GMDS: variants seen among roughly 807,000 people sequenced by gnomAD.
The protein encoded by GMDS is GDP-mannose 4,6-dehydratase.
Under a neutral mutation model 49.9 loss-of-function variants are expected in GMDS, and 20 were observed. That is an observed-to-expected ratio of 0.40 (90% CI 0.28 to 0.58). The LOEUF (loss-of-function observed/expected upper bound fraction) is 0.58, where lower values mean the gene tolerates loss of function less well. GMDS is among the 20% of genes least tolerant of loss of function. GMDS has a pLI of 0.42. For missense variants in GMDS, 362 were observed against 481.4 expected, an observed-to-expected ratio of 0.75 and a Z score of 2.32; for synonymous variants, 177 against 178.6, an observed-to-expected ratio of 0.99 and a Z score of 0.07.
chr6:2,052,646 A>G (rs1227395838), intron 4 of GMDS, among the ~76,000 whole-genome samples: 4 of 152,240 alleles, frequency 2.6e-5, no homozygotes, highest in Non-Finnish European at 5.9e-5. Flanking sequence ...CAGGAAACAC[A>G]TGGTCTAGAC....
intron 4 of GMDS, among the ~76,000 whole-genome samples, chr6:2,002,084 C>A (rs1766852734): frequency 6.6e-6 from 1 of 152,102 alleles, no homozygotes; most frequent in Admixed American, 6.5e-5. Context: ...GTTTAATATT[C>A]GTTTTTAAAA....
Position 1,857,572 on chromosome 6 carries a change from T to C in GMDS, c.771+72531A>G, listed in dbSNP as rs554613914. ...AACTTATTTTTATCAGGATGCCTCT[T>C]ATGGTTAAATATATTTGCTTCCTGT... is the stretch of plus-strand genomic sequence containing the variant. On this transcript the variant is annotated intron_variant, in intron 7 of 10. Coordinates refer to ENST00000380815, the MANE Select transcript of GMDS (RefSeq NM_001500.4). Among the ~76,000 whole-genome samples, 6 of 152,290 alleles carry C rather than the reference T, an allele frequency of 3.9e-5. No individual in the cohort carries two copies. The South Asian group carries it at 1.2e-3, about 32-fold the overall frequency.
At chr6:1,917,065 C>T (rs149262704) in intron 7 of GMDS, among the ~76,000 whole-genome samples, 7 of 152,264 alleles carry the variant, frequency 4.6e-5, no homozygotes, top group African/African-American at 1.7e-4. Context: ...CTCAGATGTT[C>T]TACAGTTTCC....
At chr6:2,086,338 T>C (rs548363977) in intron 4 of GMDS, among the ~76,000 whole-genome samples, 10 of 152,344 alleles carry the variant, frequency 6.6e-5, no homozygotes, top group Admixed American at 6.5e-4. Flanking sequence ...ACTTTTGTGC[T>C]AACACACAAG....
At chr6:1,819,352 T>C (rs577448637) in intron 7 of GMDS, among the ~76,000 whole-genome samples, 1 of 152,366 alleles carries the variant, frequency 6.6e-6, no homozygotes, top group South Asian at 2.1e-4. Flanking sequence ...CAAATGTTTT[T>C]ATTCGACGGA....
intron 6 of GMDS, among the ~76,000 whole-genome samples, chr6:1,941,350 C>A (rs1270908597): frequency 6.6e-6 from 1 of 151,388 alleles, no homozygotes; most frequent in Admixed American, 6.6e-5. Context: ...GTCAGAGAAC[C>A]AAATACACTG....
At chr6:1,919,287 C>A (rs1761589251) in intron 7 of GMDS, among the ~76,000 whole-genome samples, 1 of 152,172 alleles carries the variant, frequency 6.6e-6, no homozygotes, top group Non-Finnish European at 1.5e-5. Flanking sequence ...AGAGCCCAAC[C>A]ATTCTCTCTA....
At chr6:1,804,512 C>G (rs1018085032) in intron 7 of GMDS, among the ~76,000 whole-genome samples, 7 of 152,238 alleles carry the variant, frequency 4.6e-5, no homozygotes, top group African/African-American at 1.4e-4. Flanking sequence ...GGCTTTATTG[C>G]TAATTTTGCC....
Position 1,630,666 on chromosome 6 carries a change from T to C in GMDS, c.988-6126A>G, listed in dbSNP as rs140147714. Among the ~76,000 whole-genome samples, 33 of 152,368 alleles carry C rather than the reference T, an allele frequency of 2.2e-4. No individual in the cohort carries two copies. In the East Asian group the frequency reaches 5.2e-3, roughly 24 times the overall value. On this transcript the variant is annotated intron_variant, in intron 9 of 10. Transcript: ENST00000380815. ...AAATAACCATATAAGACTTTGGGGA[T>C]GTCATCTTGCATCATACCTATTTAC...
intron 9 of GMDS, among the ~76,000 whole-genome samples, chr6:1,725,371 G>A (rs551765421): frequency 6.6e-5 from 10 of 152,048 alleles, no homozygotes; most frequent in Non-Finnish European, 1.5e-4. Context: ...TTAGAAATTC[G>A]CCCATCCATC....
At chr6:1,661,904 A>T (rs1764088719) in intron 9 of GMDS, among the ~76,000 whole-genome samples, 1 of 152,180 alleles carries the variant, frequency 6.6e-6, no homozygotes, top group African/African-American at 2.4e-5. Context: ...TGGAGGAAGC[A>T]TGGAGGAGGC....
At chr6:1,745,127 C>CT (rs1554114508) in intron 7 of GMDS, among the ~76,000 whole-genome samples, 1 of 152,248 alleles carries the variant, frequency 6.6e-6, no homozygotes, top group Non-Finnish European at 1.5e-5. Flanking sequence ...GGTAAATACA[C>CT]TTTAATGTGT....
rs916297226 is a variant in GMDS at position 2,108,694 on chromosome 6, T to C, written c.345+7077A>G. Among the ~76,000 whole-genome samples, 4 of 152,296 alleles carry C rather than the reference T, an allele frequency of 2.6e-5. No individual in the cohort carries two copies. In the East Asian group the frequency reaches 7.7e-4, roughly 29 times the overall value. Reference sequence around the variant, plus strand: ...GAATGACAAGAGGTCCGATATAAAGTATCAGAGTCCTGCGGTATCTTCCCC... The same window carrying C: ...GAATGACAAGAGGTCCGATATAAAGCATCAGAGTCCTGCGGTATCTTCCCC... On this transcript the variant is annotated intron_variant, in intron 4 of 10. Transcript: ENST00000380815.
chr6:1,938,601 C>G (rs1159566927), intron 6 of GMDS, among the ~76,000 whole-genome samples: 1 of 151,832 alleles, frequency 6.6e-6, no homozygotes, highest in Non-Finnish European at 1.5e-5. Context: ...TAAAGATATT[C>G]CTGTTTTCTT....
At chr6:2,128,488 G>A (rs1252160622) in intron 1 of GMDS, among the ~76,000 whole-genome samples, 1 of 152,084 alleles carries the variant, frequency 6.6e-6, no homozygotes, top group East Asian at 1.9e-4. Context: ...CAAGAACTAA[G>A]CTAGGAAGGT....
chr6:2,091,266 A>G lies in GMDS; in HGVS notation c.345+24505T>C, dbSNP rs554192297. 2.0e-5 allele frequency among the ~76,000 whole-genome samples: 3 copies of G among 152,332 alleles called. No individual in the cohort carries two copies. The South Asian group carries it at 6.2e-4, about 32-fold the overall frequency. On this transcript the variant is annotated intron_variant, in intron 4 of 10. Coordinates refer to ENST00000380815, the MANE Select transcript of GMDS (RefSeq NM_001500.4). ...TAGGCTCATACATTTAACAACTTCA[A>G]TGGATCAAAACACATTAAAACTCTT...
intron 1 of GMDS, among the ~76,000 whole-genome samples, chr6:2,212,916 A>C (rs1028713265): frequency 6.6e-6 from 1 of 152,170 alleles, no homozygotes; most frequent in African/African-American, 2.4e-5. Context: ...TTTAAAAAGA[A>C]AAATATCACC....
At chr6:2,133,939 C>T (rs927337509) in intron 1 of GMDS, among the ~76,000 whole-genome samples, 8 of 152,182 alleles carry the variant, frequency 5.3e-5, no homozygotes, top group African/African-American at 1.9e-4. Flanking sequence ...ATAGGCACAC[C>T]TGGCAAAACT....
At chr6:1,654,577 G>GA (rs1380977882) in intron 9 of GMDS, among the ~76,000 whole-genome samples, 1 of 152,146 alleles carries the variant, frequency 6.6e-6, no homozygotes, top group African/African-American at 2.4e-5. Context: ...CATAAAGATG[G>GA]AAAAAATGGT....
Sources: gnomAD v4.1 joint callset for allele counts (sites outside exome capture counted in the v4.1 genomes callset) on GRCh38, gnomAD v4.1.1 for gene constraint, MANE v1.5 for transcripts, NCBI Gene and HGNC (gene_info 2026-07-23, HGNC 2026-07-21) for gene names.